The following PCMTD1 variants were observed in gnomAD, a reference collection of about 807,000 sequenced individuals.
PCMTD1 encodes the protein protein-L-isoaspartate (D-aspartate) O-methyltransferase domain containing 1.
In PCMTD1, 12 loss-of-function variants were observed where a neutral mutation model predicts 37.6. The observed-to-expected ratio is 0.32, with a 90% CI of 0.20 to 0.52. The LOEUF (loss-of-function observed/expected upper bound fraction) is 0.52, where lower values mean the gene tolerates loss of function less well. Ranked by LOEUF, PCMTD1 falls within the 20% of genes least tolerant of loss-of-function variation. The pLI, the probability that PCMTD1 is intolerant of heterozygous loss-of-function variation, is 0.97. For synonymous variants in PCMTD1, 117 were observed against 135.8 expected, an observed-to-expected ratio of 0.86 and a Z score of 0.96; for missense variants, 235 against 421.3, an observed-to-expected ratio of 0.56 and a Z score of 3.87.
chr8:51,863,282 TAAG>T (rs1481419733), intron 1 of PCMTD1, among the ~76,000 whole-genome samples: 1 of 152,160 alleles, frequency 6.6e-6, no homozygotes. Context: ...CTCTAGGGCT[TAAG>T]AAGAATGATC....
At position 51,819,431 on chromosome 8, in the gene PCMTD1, C is replaced by T. The variant is rs112156334; in HGVS notation, c.*920G>A. The T allele has an allele frequency of 6.6e-6, 1 of 152,224 alleles. No individual in the cohort carries two copies. The highest frequency in any genetic ancestry group is 1.5e-5 in the Non-Finnish European group (1 of 68,040). 9.4% of individuals were successfully genotyped at this position (152,224 alleles called of 1,614,324 possible). On this transcript the variant is annotated 3_prime_UTR_variant, in exon 6 of 6. Transcript: ENST00000522514. ...AGGTCTACCCTGGCCCTGCTACTTA[C>T]AGCCATCCAAGAAAGTGGCCTCACT...
At chr8:51,859,403 C>T (rs1036617419) in intron 2 of PCMTD1, among the ~76,000 whole-genome samples, 23 of 152,170 alleles carry the variant, frequency 1.5e-4, no homozygotes, top group Non-Finnish European at 2.8e-4. Context: ...CAGGGAGGAG[C>T]GCCAAATTTA....
chr8:51,892,411 T>G (rs936438914), intron 1 of PCMTD1, among the ~76,000 whole-genome samples: 8 of 152,346 alleles, frequency 5.3e-5, no homozygotes, highest in Admixed American at 5.2e-4. Flanking sequence ...CCAACTCGAT[T>G]GTCAACTATG....
intron 3 of PCMTD1, chr8:51,844,934 C>A (rs1322487547): frequency 6.6e-6 from 1 of 152,200 alleles, no homozygotes; most frequent in Admixed American, 6.5e-5. Context: ...CTTTTTAACA[C>A]TTTTTCTCTT....
intron 2 of PCMTD1, chr8:51,849,447 T>C (rs931913670): frequency 5.9e-5 from 9 of 152,148 alleles, no homozygotes; most frequent in African/African-American, 2.2e-4. Flanking sequence ...AAACAAGGGC[T>C]TAATTTTTGT....
intron 5 of PCMTD1, among the ~76,000 whole-genome samples, chr8:51,828,334 G>C (rs2037950522): frequency 6.6e-6 from 1 of 152,154 alleles, no homozygotes; most frequent in Non-Finnish European, 1.5e-5. Context: ...CTAGGAAGGA[G>C]AAAACAGTTT....
chr8:51,827,679 A>G (rs1414838041), intron 5 of PCMTD1, among the ~76,000 whole-genome samples: 1 of 152,166 alleles, frequency 6.6e-6, no homozygotes, highest in Non-Finnish European at 1.5e-5. Flanking sequence ...CAATGGTTTA[A>G]TAACTCCCAT....
At chr8:51,822,738 A>G (rs890635273) in intron 5 of PCMTD1, among the ~76,000 whole-genome samples, 1 of 152,202 alleles carries the variant, frequency 6.6e-6, no homozygotes, top group Non-Finnish European at 1.5e-5. Context: ...TGCTAATCTC[A>G]TGTCATCAGC....
chr8:51,850,316 T>C (rs1030404264), intron 2 of PCMTD1, among the ~76,000 whole-genome samples: 5 of 152,168 alleles, frequency 3.3e-5, no homozygotes, highest in African/African-American at 1.2e-4. Flanking sequence ...TATACAGAAA[T>C]AGTTATAGAA....
At chr8:51,877,321 G>C (rs933638825) in intron 1 of PCMTD1, among the ~76,000 whole-genome samples, 7 of 152,136 alleles carry the variant, frequency 4.6e-5, no homozygotes, top group Admixed American at 4.6e-4. Context: ...TAGTAACTCA[G>C]AACTTTTTAA....
At chr8:51,851,420 C>T (rs146410988) in intron 2 of PCMTD1, among the ~76,000 whole-genome samples, 157 of 152,216 alleles carry the variant, frequency 1.0e-3, no homozygotes, top group African/African-American at 3.5e-3. Flanking sequence ...TCTAAAATGT[C>T]GAAATATCAA....
chr8:51,847,180 T>C (rs2038234206), intron 2 of PCMTD1, among the ~76,000 whole-genome samples: 1 of 152,218 alleles, frequency 6.6e-6, no homozygotes, highest in African/African-American at 2.4e-5. Flanking sequence ...AAAATTTTTA[T>C]ATTCAAAATA....
intron 1 of PCMTD1, among the ~76,000 whole-genome samples, chr8:51,863,175 A>C (rs1016882652): frequency 1.3e-5 from 2 of 152,206 alleles, no homozygotes; most frequent in Admixed American, 6.5e-5. Flanking sequence ...CATTTGCCTA[A>C]GGATTTCATA....
chr8:51,898,453 A>G (rs932387696), intron 1 of PCMTD1, among the ~76,000 whole-genome samples: 4 of 152,042 alleles, frequency 2.6e-5, no homozygotes, highest in Middle Eastern at 3.4e-3. Context: ...GTCTACGTAG[A>G]CTGGATTCTC....
At chr8:51,852,707 T>A (rs1490112018) in intron 2 of PCMTD1, among the ~76,000 whole-genome samples, 1 of 152,192 alleles carries the variant, frequency 6.6e-6, no homozygotes, top group Admixed American at 6.5e-5. Flanking sequence ...TTTGATACTT[T>A]TGAATTTTCA....
chr8:51,862,929 T>C lies in PCMTD1; in HGVS notation c.-95-1683A>G, dbSNP rs144535956. Among the ~76,000 whole-genome samples the C allele has an allele frequency of 5.3e-5, 8 of 152,272 alleles. No individual in the cohort carries two copies. In the East Asian group the frequency reaches 9.6e-4, roughly 18 times the overall value. ...CCTTCTCCTCAATGAATATACTTTG[T>C]AGAATGCAGTGCAATAGGAGATGCC... On this transcript the variant is annotated intron_variant, in intron 1 of 5. Coordinates refer to ENST00000522514, the MANE Select transcript of PCMTD1 (RefSeq NM_052937.4).
intron 2 of PCMTD1, among the ~76,000 whole-genome samples, chr8:51,852,686 A>G (rs988947481): frequency 1.3e-5 from 2 of 152,212 alleles, no homozygotes; most frequent in African/African-American, 2.4e-5. Flanking sequence ...AAAATATTTC[A>G]AAGTATGCCT....
chr8:51,881,013 T>C (rs2038783383), intron 1 of PCMTD1, among the ~76,000 whole-genome samples: 1 of 152,176 alleles, frequency 6.6e-6, no homozygotes, highest in Non-Finnish European at 1.5e-5. Flanking sequence ...AAAAAGACAG[T>C]AGTCCAAGTT....
chr8:51,860,685 T>C lies in PCMTD1; in HGVS notation c.307+160A>G, dbSNP rs1226631300. 1.5e-5 allele frequency: 9 copies of C among 611,964 alleles called. No homozygotes were observed. The Admixed American group carries it at 1.6e-4, about 11-fold the overall frequency. The allele number at this position is 611,964 out of a possible 1,614,324, so 37.9% of individuals were successfully genotyped here. ...GGTAAGGACTCGGAATGAAAAAAGA[T>C]TACTACTACTTTGTGTTTTCACATC... On this transcript the variant is annotated intron_variant, in intron 2 of 5. Transcript: ENST00000522514.
Sources: gnomAD v4.1 joint callset for allele counts (sites outside exome capture counted in the v4.1 genomes callset) on GRCh38, gnomAD v4.1.1 for gene constraint, MANE v1.5 for transcripts, NCBI Gene and HGNC (gene_info 2026-07-23, HGNC 2026-07-21) for gene names.